Variants in PLD5 observed in about 807,000 individuals in gnomAD.
PLD5 encodes inactive phospholipase D5.
A neutral mutation model predicts 61.1 loss-of-function variants in PLD5; 36 were observed. The observed-to-expected ratio is 0.59, with a 90% CI of 0.45 to 0.78. PLD5 has a LOEUF of 0.78. Among genes scored for constraint, PLD5 ranks in the 30% least tolerant of loss-of-function variants. The pLI, the probability that PLD5 is intolerant of heterozygous loss-of-function variation, is 0.00. For synonymous variants in PLD5, 243 were observed against 242.8 expected (o/e 1.00, Z -0.01); for missense variants, 515 against 644.4 (o/e 0.80, Z 2.17).
At chr1:242,394,898 T>TA (rs1553366818) in intron 1 of PLD5, among the ~76,000 whole-genome samples, 1,555 of 102,582 alleles carry the variant, frequency 0.015, 76 homozygotes, top group East Asian at 0.076. Context: ...ATATATATGA[T>TA]TATATATGAA....
chr1:242,463,920 C>T (rs1324470702), intron 1 of PLD5, among the ~76,000 whole-genome samples: 1 of 152,098 alleles, frequency 6.6e-6, no homozygotes, highest in Non-Finnish European at 1.5e-5. Context: ...TTCTTCCCTT[C>T]CCTGTGTGAC....
chr1:242,356,404 C>T (rs1343849629), intron 1 of PLD5, among the ~76,000 whole-genome samples: 1 of 151,608 alleles, frequency 6.6e-6, no homozygotes, highest in Middle Eastern at 3.4e-3. Flanking sequence ...CATTTGGTTT[C>T]CTTTTGTGTG....
At chr1:242,372,076 C>T (rs1287953086) in intron 1 of PLD5, among the ~76,000 whole-genome samples, 2 of 152,064 alleles carry the variant, frequency 1.3e-5, no homozygotes, top group African/African-American at 4.8e-5. Flanking sequence ...TCCCTGTGTC[C>T]GTGTGTTCTC....
chr1:242,450,753 C>A (rs1572176790), intron 1 of PLD5, among the ~76,000 whole-genome samples: 1 of 152,276 alleles, frequency 6.6e-6, no homozygotes, highest in South Asian at 2.1e-4. Flanking sequence ...CAGAAAAACA[C>A]ACACATTTTC....
chr1:242,413,094 G>A (rs950919417), intron 1 of PLD5, among the ~76,000 whole-genome samples: 5 of 152,252 alleles, frequency 3.3e-5, no homozygotes, highest in African/African-American at 9.6e-5. Context: ...TCCCGAGGGC[G>A]CCTTCCGCTT....
In PLD5 at chr1:242,207,884, A is replaced by ATATT. The variant is rs1307193976; in HGVS notation, c.735+12103_735+12104insAATA. 9.4e-3 allele frequency among the ~76,000 whole-genome samples: 269 copies of ATATT among 28,610 alleles called. 29 individuals are homozygous for ATATT. The highest frequency in any genetic ancestry group is 0.032 in the Admixed American group (47 of 1,448). The allele number at this position is 28,610 out of a possible 152,430, so 18.8% of individuals were successfully genotyped here. Reference sequence around the variant, plus strand: ...TTTATATATTTATATATATTTATATATTTATATATATTTATATATTTATAT... The same window carrying ATATT: ...TTTATATATTTATATATATTTATATATATTTTTATATATATTTATATATTTATAT... On this transcript the variant is annotated intron_variant, in intron 5 of 9. Coordinates refer to ENST00000536534, the MANE Select transcript of PLD5 (RefSeq NM_001372062.1).
At chr1:242,189,850 G>T (rs1004667560) in intron 5 of PLD5, among the ~76,000 whole-genome samples, 1 of 152,184 alleles carries the variant, frequency 6.6e-6, no homozygotes, top group Non-Finnish European at 1.5e-5. Context: ...CCCCAAGAAG[G>T]GGGGCAAGCT....
At chr1:242,182,480 T>C (rs906944071) in intron 5 of PLD5, among the ~76,000 whole-genome samples, 1 of 152,196 alleles carries the variant, frequency 6.6e-6, no homozygotes, top group African/African-American at 2.4e-5. Flanking sequence ...CTTGATTACA[T>C]GTCATCTTCA....
chr1:242,438,164 T>G (rs1237676635), intron 1 of PLD5, among the ~76,000 whole-genome samples: 1 of 151,884 alleles, frequency 6.6e-6, no homozygotes, highest in Admixed American at 6.6e-5. Context: ...GTCCCTAAAC[T>G]CTCCTCTGGA....
rs141210142 is a variant in PLD5, at chr1:242,200,245, C to T, written c.735+19743G>A. On this transcript the variant is annotated intron_variant, in intron 5 of 9. Transcript: ENST00000536534. ...GAATACCTGAATTCCAAAATGCCTG[C>T]GTTGATTTCAATGGTCAGTGTGTTT... is the stretch of plus-strand genomic sequence containing the variant. Among the ~76,000 whole-genome samples the T allele has an allele frequency of 4.6e-5, 7 of 152,274 alleles. No individual in the cohort carries two copies. In the East Asian group the frequency reaches 5.8e-4, roughly 13 times the overall value.
chr1:242,116,125 A>G (rs186440287), intron 6 of PLD5, among the ~76,000 whole-genome samples: 42 of 152,308 alleles, frequency 2.8e-4, no homozygotes, highest in African/African-American at 9.1e-4. Flanking sequence ...AAGGCTGAAT[A>G]AACAGATTTT....
intron 5 of PLD5, among the ~76,000 whole-genome samples, chr1:242,127,295 A>G (rs1662873496): frequency 6.6e-6 from 1 of 152,222 alleles, no homozygotes; most frequent in African/African-American, 2.4e-5. Context: ...CAGCAATCCC[A>G]CTACTGGTAT....
intron 1 of PLD5, among the ~76,000 whole-genome samples, chr1:242,407,626 C>A (rs1313447824): frequency 1.3e-5 from 2 of 149,102 alleles, no homozygotes; most frequent in South Asian, 4.3e-4. Flanking sequence ...GTCACCCAGA[C>A]TGGAGTGCAG....
chr1:242,394,268 G>GTA (rs759757359), intron 1 of PLD5, among the ~76,000 whole-genome samples: 1 of 91,556 alleles, frequency 1.1e-5, no homozygotes, highest in Non-Finnish European at 2.1e-5. Flanking sequence ...ATGAGTATGA[G>GTA]TATATATATG....
At chr1:242,139,253 G>GT (rs566725958) in intron 5 of PLD5, among the ~76,000 whole-genome samples, 66 of 149,218 alleles carry the variant, frequency 4.4e-4, no homozygotes, top group Non-Finnish European at 5.8e-4. Flanking sequence ...TTTCAGTTAG[G>GT]TTTTTTTTTT....
chr1:242,336,061 A>G (rs1301540915), intron 2 of PLD5, among the ~76,000 whole-genome samples: 4 of 152,214 alleles, frequency 2.6e-5, no homozygotes, highest in African/African-American at 9.6e-5. Context: ...GAAGAAGTAA[A>G]CATGTCTCAA....
At chr1:242,392,778 A>G (rs1431825340) in intron 1 of PLD5, among the ~76,000 whole-genome samples, 1 of 152,126 alleles carries the variant, frequency 6.6e-6, no homozygotes, top group African/African-American at 2.4e-5. Flanking sequence ...TCACCTTGGG[A>G]GTTTTGGTAA....
chr1:242,432,019 A>G (rs971406751), intron 1 of PLD5, among the ~76,000 whole-genome samples: 1 of 152,160 alleles, frequency 6.6e-6, no homozygotes, highest in East Asian at 1.9e-4. Context: ...ATCCAGCATC[A>G]CCAGCCACAG....
intron 1 of PLD5, among the ~76,000 whole-genome samples, chr1:242,351,314 A>C (rs577987835): frequency 6.6e-6 from 1 of 152,348 alleles, no homozygotes; most frequent in South Asian, 2.1e-4. Flanking sequence ...GAACAAAATG[A>C]AAATTACAAT....
Sources: gnomAD v4.1 joint callset for allele counts (sites outside exome capture counted in the v4.1 genomes callset) on GRCh38, gnomAD v4.1.1 for gene constraint, MANE v1.5 for transcripts, NCBI Gene and HGNC (gene_info 2026-07-23, HGNC 2026-07-21) for gene names.